SMYD4: variants seen among roughly 807,000 people sequenced by gnomAD.
The protein encoded by SMYD4 is SET and MYND domain containing 4, also known as protein-lysine N-methyltransferase SMYD4.
A neutral mutation model predicts 72.8 loss-of-function variants in SMYD4; 68 were observed. That is an observed-to-expected ratio of 0.93 (90% CI 0.77 to 1.14). The LOEUF (loss-of-function observed/expected upper bound fraction) is 1.14, where lower values mean the gene tolerates loss of function less well. SMYD4 is among the 50% of genes most tolerant of loss of function. The probability of loss-of-function intolerance (pLI) is 0.00; values close to 1 mark genes in which losing one functional copy is unlikely to be tolerated. For missense variants in SMYD4, 984 were observed against 1,003.7 expected, an observed-to-expected ratio of 0.98 and a Z score of 0.27; for synonymous variants, 407 against 388.6, an observed-to-expected ratio of 1.05 and a Z score of -0.56.
chr17:1,782,237 A>G (rs968596948), intron 10 of SMYD4: 2 of 152,168 alleles, frequency 1.3e-5, no homozygotes, highest in African/African-American at 2.4e-5. Context: ...CCCTGACACT[A>G]TTGACACTGT....
intron 2 of SMYD4, among the ~76,000 whole-genome samples, chr17:1,825,821 T>A (rs937467862): frequency 6.6e-6 from 1 of 151,632 alleles, no homozygotes; most frequent in Non-Finnish European, 1.5e-5. Context: ...TTTTATACCT[T>A]CTGGGTTGTG....
At chr17:1,789,764 C>CAA (rs60740904) in intron 5 of SMYD4, among the ~76,000 whole-genome samples, 5,104 of 90,204 alleles carry the variant, frequency 0.057, 418 homozygotes, top group African/African-American at 0.18. Flanking sequence ...GACTCTGTCT[C>CAA]AAAAAAAAAA....
intron 7 of SMYD4, among the ~76,000 whole-genome samples, chr17:1,785,295 G>A (rs1228035991): frequency 1.6e-4 from 24 of 149,960 alleles, no homozygotes; most frequent in East Asian, 2.0e-4. Context: ...TGGTGGTGGC[G>A]GGCGCCTGTA....
intron 2 of SMYD4, among the ~76,000 whole-genome samples, chr17:1,816,590 A>G (rs1035163254): frequency 6.7e-6 from 1 of 150,324 alleles, no homozygotes; most frequent in Non-Finnish European, 1.5e-5. Flanking sequence ...ACGGCACTCC[A>G]CCCTGGGCGA....
At chr17:1,792,276 T>G (rs1909087727) in intron 5 of SMYD4, among the ~76,000 whole-genome samples, 1 of 151,824 alleles carries the variant, frequency 6.6e-6, no homozygotes, top group Non-Finnish European at 1.5e-5. Flanking sequence ...CCTGACCTCG[T>G]GATCCTCCCA....
At chr17:1,797,973 G>A (rs1438277468) in intron 5 of SMYD4, among the ~76,000 whole-genome samples, 1 of 151,832 alleles carries the variant, frequency 6.6e-6, no homozygotes, top group Non-Finnish European at 1.5e-5. Context: ...CCGCACTCCA[G>A]CCTGGGTGAC....
intron 5 of SMYD4, among the ~76,000 whole-genome samples, chr17:1,795,747 G>GTTTTTTT (rs368038317): frequency 0.15 from 19,217 of 127,876 alleles, 1,605 homozygotes; most frequent in African/African-American, 0.18. Context: ...TGGCCCGTGA[G>GTTTTTTT]TTTTTTTTTT....
At chr17:1,804,431 C>A in intron 4 of SMYD4, 195 bp downstream of exon 4, 1 of 471,902 alleles carries the variant, frequency 2.1e-6, no homozygotes. Flanking sequence ...CCCGCCTTGA[C>A]CTCCCAAAGT....
At position 1,800,659 on chromosome 17, in the gene SMYD4, G is replaced by A. The variant is rs747999556; in HGVS notation, c.735C>T (p.Arg245=). 2 of 1,614,092 alleles carry A rather than the reference G, an allele frequency of 1.2e-6. No homozygotes were observed. The highest frequency in any genetic ancestry group is 2.7e-5 in the African/African-American group (2 of 74,930). Residue 245 remains arginine (R), a synonymous_variant, in exon 5 of 11, where the codon CGC becomes CGT. Transcript: ENST00000305513. ...IGLCVDPLKG[R]CLVATKDILP... is the part of the protein sequence containing the mutation. ...GAATATCTTTTGTGGCAACGAGACA[G>A]CGACCTTTTAAAGGATCTACGCATA...
intron 5 of SMYD4, among the ~76,000 whole-genome samples, chr17:1,790,424 A>G (rs952657573): frequency 6.6e-6 from 1 of 152,230 alleles, no homozygotes; most frequent in African/African-American, 2.4e-5. Flanking sequence ...GTAGTTCCTC[A>G]ACCAAATTTA....
intron 8 of SMYD4, 80 bp from the exon 9 acceptor site, chr17:1,783,556 G>C: frequency 1.3e-6 from 2 of 1,530,340 alleles, no homozygotes; most frequent in East Asian, 2.5e-5. Flanking sequence ...CAAATCCTCT[G>C]AATCAGCTGG....
chr17:1,783,114 C>T lies in SMYD4; in HGVS notation c.2182G>A (p.Val728Met), dbSNP rs200701109. ...GACGGCCCGTGGCGAACCTCCACCA[C>T]GTAGAGACTCCTCTGTAGATGGGTG... ...SATHLQRSLY[V>M]VEVRHGPSSV... The change falls in exon 10 of 11, where the codon GTG becomes ATG. Residue 728 changes from valine to methionine, a missense_variant. Transcript: ENST00000305513. 125 of 1,614,064 alleles carry T rather than the reference C, an allele frequency of 7.7e-5. No homozygotes were observed. The highest frequency in any genetic ancestry group is 1.6e-4 in the Middle Eastern group (1 of 6,082).
chr17:1,801,903 G>C (rs1909782355), intron 4 of SMYD4, among the ~76,000 whole-genome samples: 1 of 151,994 alleles, frequency 6.6e-6, no homozygotes, highest in African/African-American at 2.4e-5. Flanking sequence ...TTGAACCTGG[G>C]AGGCTGAGGT....
Position 1,800,475 on chromosome 17 carries a change from C to A in SMYD4, c.919G>T (p.Val307Phe), listed in dbSNP as rs1407478935. ...GCATAACTGCATCCGTCACACGGAA[C>A]TGTGGCCAAAGTGTGCTTCAAACAT... ...HRCLKHTLATVPCDGCSYAKY... is the reference protein window; with the variant it reads ...HRCLKHTLATFPCDGCSYAKY... The change falls in exon 5 of 11, where the codon GTT (valine) becomes TTT (phenylalanine). Residue 307 changes from valine to phenylalanine, a missense_variant. Transcript: ENST00000305513. 6.2e-7 allele frequency: 1 copy of A among 1,614,198 alleles called. No individual in the cohort carries two copies. Among genetic ancestry groups the A allele is most frequent in the Non-Finnish European group, 8.5e-7 (1 of 1,180,048 alleles).
chr17:1,809,818 C>T (rs956509969), intron 3 of SMYD4, among the ~76,000 whole-genome samples: 17 of 151,842 alleles, frequency 1.1e-4, no homozygotes, highest in African/African-American at 3.9e-4. Flanking sequence ...TACAGGCGCC[C>T]GCCACCGTGC....
intron 8 of SMYD4, 82 bp downstream of exon 8, chr17:1,784,244 C>T: frequency 1.3e-6 from 2 of 1,588,958 alleles, no homozygotes; most frequent in Non-Finnish European, 1.7e-6. Context: ...CCCATCAGTA[C>T]TGAGTATCCC....
rs1280531496 is a variant in SMYD4, at chr17:1,800,163, C to T, written c.1231G>A (p.Gly411Arg). The T allele has an allele frequency of 6.2e-7, 1 of 1,610,630 alleles. No homozygotes were observed. Residue 411 changes from glycine to arginine, a missense_variant, in exon 5 of 11, where the codon GGA becomes AGA. Coordinates refer to ENST00000305513, the MANE Select transcript of SMYD4 (RefSeq NM_052928.3). ...TCATACTTCCCATTAATATCGCATC[C>T]AGGAATTGGGGTCTCAACGATGTTG... is the stretch of plus-strand genomic sequence containing the variant. ...NGNIVETPIPGCDINGKYENN... is the reference protein window; with the variant it reads ...NGNIVETPIPRCDINGKYENN...
chr17:1,814,088 A>T (rs547614182), intron 2 of SMYD4, among the ~76,000 whole-genome samples: 1 of 152,266 alleles, frequency 6.6e-6, no homozygotes, highest in Non-Finnish European at 1.5e-5. Flanking sequence ...AAGAGGGAAG[A>T]TTGCCTGAGC....
In SMYD4 at chr17:1,800,281, A is replaced by G. The variant is rs779603383; in HGVS notation, c.1113T>C (p.Cys371=). The G allele has an allele frequency of 1.2e-6, 2 of 1,614,094 alleles. No individual in the cohort carries two copies. The highest frequency in any genetic ancestry group is 2.7e-5 in the African/African-American group (2 of 74,996). The change falls in exon 5 of 11, where the codon TGT becomes TGC. Residue 371 remains cysteine (C), a synonymous_variant. Coordinates refer to ENST00000305513, the MANE Select transcript of SMYD4 (RefSeq NM_052928.3). ...AGATGTCCTTGTTACTAATCTTATC[A>G]CAAAGCTTCGTTATGATTTTGCGAA... ...EDVRKIITKL[C]DKISNKDICL...
Sources: allele counts gnomAD v4.1 joint callset (sites outside exome capture counted in the v4.1 genomes callset), GRCh38; gene constraint gnomAD v4.1.1; transcripts MANE v1.5; gene names NCBI Gene and HGNC (gene_info 2026-07-23, HGNC 2026-07-21).